DOCK4: variants seen among roughly 807,000 people sequenced by gnomAD.
DOCK4 encodes the protein dedicator of cytokinesis 4.
Under a neutral mutation model 268.1 loss-of-function variants are expected in DOCK4, and 97 were observed. The observed-to-expected ratio is 0.36, with a 90% CI of 0.31 to 0.43. The LOEUF is 0.43. Among genes scored for constraint, DOCK4 ranks in the 20% least tolerant of loss-of-function variants. The pLI is 1.00. For missense variants in DOCK4, 2,145 were observed against 2,455.7 expected, an observed-to-expected ratio of 0.87 and a Z score of 2.67; for synonymous variants, 954 against 887.2, an observed-to-expected ratio of 1.08 and a Z score of -1.34.
chr7:112,063,337 GA>G (rs1452998647), intron 1 of DOCK4, among the ~76,000 whole-genome samples: 2 of 152,154 alleles, frequency 1.3e-5, no homozygotes, highest in Admixed American at 6.5e-5. Flanking sequence ...CTCATTTTAT[GA>G]TGGGGTTCAG....
intron 8 of DOCK4, among the ~76,000 whole-genome samples, chr7:111,953,228 T>A (rs1796194927): frequency 6.6e-6 from 1 of 151,008 alleles, no homozygotes; most frequent in Non-Finnish European, 1.5e-5. Flanking sequence ...AAAAATTAAC[T>A]ACGCTGTTTG....
intron 1 of DOCK4, among the ~76,000 whole-genome samples, chr7:112,104,756 T>A (rs983586436): frequency 1.3e-5 from 2 of 152,172 alleles, no homozygotes; most frequent in Non-Finnish European, 2.9e-5. Context: ...ATGTTTATAA[T>A]CTGGGTGGGG....
chr7:112,004,988 A>G (rs1800739625), intron 1 of DOCK4, among the ~76,000 whole-genome samples: 1 of 152,206 alleles, frequency 6.6e-6, no homozygotes, highest in Non-Finnish European at 1.5e-5. Flanking sequence ...TTCCCTGAAT[A>G]GTAAGTAAAG....
In DOCK4 at chr7:112,003,224, T is replaced by TA. The variant is rs754577216; in HGVS notation, c.121+823dup. Among the ~76,000 whole-genome samples the TA allele has an allele frequency of 1.9e-3, 293 of 151,500 alleles. 1 individual carries two copies. Among genetic ancestry groups the TA allele is most frequent in the Non-Finnish European group, 2.7e-3 (180 of 67,834 alleles). ...GGTGAGACTCTGTCTCTACAAAAAATAAAAAATAAAAAAATCAGCCAAGCA... is the reference window on the plus strand; with the variant it reads ...GGTGAGACTCTGTCTCTACAAAAAATAAAAAAATAAAAAAATCAGCCAAGCA... On this transcript the variant is annotated intron_variant, in intron 2 of 52. Coordinates refer to ENST00000428084, the MANE Select transcript of DOCK4 (RefSeq NM_001363540.2).
chr7:111,784,270 C>G lies in DOCK4; in HGVS notation c.3402-147G>C, dbSNP rs891057251. On this transcript the variant is annotated intron_variant, in intron 32 of 52. Coordinates refer to ENST00000428084, the MANE Select transcript of DOCK4 (RefSeq NM_001363540.2). ...TTTCCTAGCTTCTCCCTTACACTAA[C>G]AGAGGCTTGCGTCTTACCACATCAA... 2.0e-5 allele frequency: 18 copies of G among 918,356 alleles called. No individual in the cohort carries two copies. In the East Asian group the frequency reaches 2.4e-4, roughly 12 times the overall value. The allele number at this position is 918,356 out of a possible 1,614,324, so 56.9% of individuals were successfully genotyped here. A position where few individuals can be genotyped will look rare whatever the true frequency, so the allele number is the denominator to read the frequency against.
At chr7:111,800,763 T>C (rs1220353144) in intron 30 of DOCK4, among the ~76,000 whole-genome samples, 6 of 151,852 alleles carry the variant, frequency 4.0e-5, no homozygotes, top group Non-Finnish European at 8.8e-5. Context: ...AACCCTTAAA[T>C]CAACCTCAGG....
chr7:111,872,503 A>C lies in DOCK4; in HGVS notation c.1806T>G (p.Ser602=). The C allele has an allele frequency of 6.2e-7, 1 of 1,603,720 alleles. No individual in the cohort carries two copies. The highest frequency in any genetic ancestry group is 8.5e-7 in the Non-Finnish European group (1 of 1,174,380). Residue 602 remains serine (S), a synonymous_variant, in exon 18 of 53, where the codon TCT becomes TCG. Coordinates refer to ENST00000428084, the MANE Select transcript of DOCK4 (RefSeq NM_001363540.2). Reference sequence around the variant, plus strand: ...CTGAGCCATCAATTTCTTTTAATTTAGAGAGACAGCCAGTGATCTTGTCTG... The same window carrying C: ...CTGAGCCATCAATTTCTTTTAATTTCGAGAGACAGCCAGTGATCTTGTCTG... The part of the protein sequence containing the change: ...THPDKITGCL[S]KLKEIDGSEI...
intron 1 of DOCK4, among the ~76,000 whole-genome samples, chr7:112,046,920 G>A (rs1336671831): frequency 1.3e-5 from 2 of 152,184 alleles, no homozygotes; most frequent in Non-Finnish European, 2.9e-5. Flanking sequence ...TACAGCAGCA[G>A]CGAGGAAAAA....
At chr7:111,840,536 T>C (rs1243855660) in intron 25 of DOCK4, among the ~76,000 whole-genome samples, 1 of 152,146 alleles carries the variant, frequency 6.6e-6, no homozygotes, top group Admixed American at 6.5e-5. Flanking sequence ...TTTTGTTTTT[T>C]TTTTCTAGCT....
intron 36 of DOCK4, 95 bp downstream of exon 36, chr7:111,778,181 G>A (rs995815274): frequency 2.0e-5 from 16 of 787,466 alleles, no homozygotes; most frequent in Admixed American, 1.3e-4. Flanking sequence ...AAGTAGAAAT[G>A]CTTGAGTCTT....
intron 1 of DOCK4, among the ~76,000 whole-genome samples, chr7:112,109,317 A>C (rs930033472): frequency 6.6e-5 from 10 of 152,216 alleles, no homozygotes; most frequent in African/African-American, 2.4e-4. Context: ...ACAAGTGCTA[A>C]CTACACTTCT....
chr7:111,736,454 A>G (rs764246116), intron 50 of DOCK4, among the ~76,000 whole-genome samples: 6 of 152,160 alleles, frequency 3.9e-5, no homozygotes, highest in Non-Finnish European at 8.8e-5. Flanking sequence ...TATGCACTGG[A>G]TTGCAATTCT....
At chr7:112,155,627 C>A (rs2116442136) in intron 1 of DOCK4, among the ~76,000 whole-genome samples, 1 of 152,274 alleles carries the variant, frequency 6.6e-6, no homozygotes, top group East Asian at 1.9e-4. Context: ...TTATTCAAGT[C>A]CTCTTCCCCT....
intron 42 of DOCK4, among the ~76,000 whole-genome samples, chr7:111,749,448 T>A (rs1796488910): frequency 6.6e-6 from 1 of 152,174 alleles, no homozygotes; most frequent in Non-Finnish European, 1.5e-5. Context: ...TATATATAGT[T>A]AACACTACCA....
chr7:111,924,491 T>C (rs1793433778), intron 12 of DOCK4, among the ~76,000 whole-genome samples: 1 of 152,232 alleles, frequency 6.6e-6, no homozygotes, highest in Non-Finnish European at 1.5e-5. Flanking sequence ...TTCATCACGC[T>C]GAGCTGGTGC....
At chr7:111,773,917 T>C (rs999004088) in intron 36 of DOCK4, among the ~76,000 whole-genome samples, 5 of 151,120 alleles carry the variant, frequency 3.3e-5, no homozygotes, top group African/African-American at 1.2e-4. Flanking sequence ...CCTGGGAGGC[T>C]GAGGTGGGAG....
At chr7:111,933,112 ATATACACATATATATACG>A (rs1165274067) in intron 12 of DOCK4, among the ~76,000 whole-genome samples, 3 of 139,536 alleles carry the variant, frequency 2.1e-5, no homozygotes, top group African/African-American at 5.5e-5. Context: ...ATATATACGT[ATATACACATATATATACG>A]TATATACACA....
intron 30 of DOCK4, among the ~76,000 whole-genome samples, chr7:111,800,204 G>A (rs1459449721): frequency 1.3e-5 from 2 of 149,080 alleles, no homozygotes; most frequent in Non-Finnish European, 3.0e-5. Flanking sequence ...GAAAGATTTT[G>A]TATGGTAAAT....
intron 30 of DOCK4, among the ~76,000 whole-genome samples, chr7:111,797,530 G>C (rs1428562662): frequency 4.6e-5 from 7 of 152,104 alleles, no homozygotes; most frequent in Non-Finnish European, 1.0e-4. Context: ...GAATTTCAGA[G>C]GTGAGCAATA....
Sources: gnomAD v4.1 joint callset for allele counts (sites outside exome capture counted in the v4.1 genomes callset) on GRCh38, gnomAD v4.1.1 for gene constraint, MANE v1.5 for transcripts, NCBI Gene and HGNC (gene_info 2026-07-23, HGNC 2026-07-21) for gene names.